Variants in SHANK2 observed in about 807,000 individuals in gnomAD.
SHANK2 encodes SH3 and multiple ankyrin repeat domains 2.
SHANK2 carries 43 observed loss-of-function variants against 133.7 expected under a neutral mutation model. The ratio of observed to expected loss-of-function variants is 0.32; its 90% CI spans 0.25 to 0.41. The LOEUF (loss-of-function observed/expected upper bound fraction) is 0.41, where lower values mean the gene tolerates loss of function less well. SHANK2 is among the 10% of genes least tolerant of loss of function. The pLI is 1.00. For missense variants in SHANK2, 1,994 were observed against 2,235.8 expected (o/e 0.89, Z 2.18); for synonymous variants, 1,017 against 952.8 (o/e 1.07, Z -1.24).
chr11:70,546,079 T>A (rs2059690459), intron 17 of SHANK2, among the ~76,000 whole-genome samples: 2 of 147,240 alleles, frequency 1.4e-5, no homozygotes, highest in Admixed American at 1.4e-4. Context: ...GGTTGTTTTT[T>A]ATAAATTTAT....
chr11:70,899,418 A>G (rs1949992161), intron 10 of SHANK2, among the ~76,000 whole-genome samples: 4 of 152,218 alleles, frequency 2.6e-5, no homozygotes, highest in African/African-American at 9.7e-5. Flanking sequence ...TGTATCGATT[A>G]AACCTCTTTT....
At chr11:70,667,777 C>T (rs1555015134) in intron 15 of SHANK2, 1 of 152,272 alleles carries the variant, frequency 6.6e-6, no homozygotes, top group African/African-American at 2.4e-5. Context: ...CTCTGGGTGG[C>T]TCTGTGTGCC....
Position 71,232,724 on chromosome 11 carries a change from A to G in SHANK2, c.-112-7928T>C, listed in dbSNP as rs183164429. On this transcript the variant is annotated intron_variant, in intron 1 of 25. Transcript: ENST00000601538. ...ATTTAAGATAAGGTTATTTGTTTGT[A>G]TAACATACAAAACATGTGTTAATGG... Among the ~76,000 whole-genome samples, 3 of 152,262 alleles carry G rather than the reference A, an allele frequency of 2.0e-5. No homozygotes were observed. The East Asian group carries it at 5.8e-4, about 29-fold the overall frequency.
chr11:70,691,548 CCT>C (rs1220084676), intron 15 of SHANK2, among the ~76,000 whole-genome samples: 6 of 152,134 alleles, frequency 3.9e-5, no homozygotes, highest in African/African-American at 1.4e-4. Flanking sequence ...CAGAGAAATA[CCT>C]CTCTGTTTCA....
Position 70,698,729 on chromosome 11 carries a change from C to T in SHANK2, c.1812G>A (p.Arg604=), listed in dbSNP as rs550222614. The part of the protein sequence containing the change: ...TRADRSKKLF[R]HYTVGSYDSF... ...TGTCATAGGAGCCCACGGTGTAGTGCCTGAAAAGCTTCTTGCTGCGGTCAG... is the reference window on the plus strand; with the variant it reads ...TGTCATAGGAGCCCACGGTGTAGTGTCTGAAAAGCTTCTTGCTGCGGTCAG... Residue 604 remains arginine (R), a synonymous_variant, in exon 15 of 26, where the codon AGG becomes AGA. Coordinates refer to ENST00000601538, the MANE Select transcript of SHANK2 (RefSeq NM_012309.5). The T allele has an allele frequency of 3.1e-5, 22 of 718,672 alleles. No individual in the cohort carries two copies. The highest frequency in any genetic ancestry group is 4.6e-4 in the Middle Eastern group (2 of 4,370). 44.5% of individuals were successfully genotyped at this position (718,672 alleles called of 1,614,324 possible). A position where few individuals can be genotyped will look rare whatever the true frequency, so the allele number is the denominator to read the frequency against.
intron 8 of SHANK2, among the ~76,000 whole-genome samples, chr11:71,077,004 A>G (rs1951229462): frequency 6.6e-6 from 1 of 152,328 alleles, no homozygotes; most frequent in African/African-American, 2.4e-5. Flanking sequence ...AAGGAAAGGA[A>G]AGAAAGAGAG....
At chr11:71,216,018 G>A (rs532140493) in intron 2 of SHANK2, among the ~76,000 whole-genome samples, 13 of 141,272 alleles carry the variant, frequency 9.2e-5, no homozygotes, top group African/African-American at 3.2e-4. Context: ...CTCATCCGAC[G>A]CTGGAGAGGA....
chr11:70,659,992 T>G lies in SHANK2; in HGVS notation c.1937-40A>C, dbSNP rs546700085. On this transcript the variant is annotated intron_variant, in intron 16 of 25. Transcript: ENST00000601538. ...AGCACCTGGTTACAAGCCTGGGAGATGTCTTCCAAGTTCACATTGCCTGAC... is the reference window on the plus strand; with the variant it reads ...AGCACCTGGTTACAAGCCTGGGAGAGGTCTTCCAAGTTCACATTGCCTGAC... 1.1e-4 allele frequency: 177 copies of G among 1,614,020 alleles called. No homozygotes were observed. In the Middle Eastern group the frequency reaches 3.8e-3, roughly 35 times the overall value.
At chr11:70,652,467 G>A (rs1465281747) in intron 17 of SHANK2, among the ~76,000 whole-genome samples, 2 of 152,014 alleles carry the variant, frequency 1.3e-5, no homozygotes, top group Non-Finnish European at 2.9e-5. Context: ...TTCCTCTTCT[G>A]AGTCAGGCAT....
intron 2 of SHANK2, among the ~76,000 whole-genome samples, chr11:71,223,107 AT>A (rs1441905774): frequency 1.3e-5 from 2 of 152,206 alleles, no homozygotes; most frequent in Admixed American, 1.3e-4. Context: ...GGGCTTGAAC[AT>A]GGGGAGGGAG....
intron 17 of SHANK2, among the ~76,000 whole-genome samples, chr11:70,543,685 C>T (rs181168845): frequency 7.9e-5 from 12 of 152,334 alleles, no homozygotes; most frequent in African/African-American, 2.6e-4. Flanking sequence ...ATTCTGTGAG[C>T]TGCTCTAGCA....
intron 25 of SHANK2, among the ~76,000 whole-genome samples, chr11:70,481,964 ACC>A (rs35524147): frequency 1.3e-5 from 2 of 151,970 alleles, no homozygotes; most frequent in East Asian, 1.9e-4. Context: ...TCCGTCCTGG[ACC>A]CCCCCCCAGT....
chr11:70,886,940 C>T (rs60548486), intron 11 of SHANK2, among the ~76,000 whole-genome samples: 1 of 152,122 alleles, frequency 6.6e-6, no homozygotes, highest in African/African-American at 2.4e-5. Context: ...TCCATAGCTG[C>T]GGAAGGACAA....
chr11:70,939,342 G>A (rs569160000), intron 10 of SHANK2, among the ~76,000 whole-genome samples: 113 of 152,148 alleles, frequency 7.4e-4, no homozygotes, highest in Non-Finnish European at 1.2e-3. Flanking sequence ...GCTGGGTGTG[G>A]TGGTACGTGC....
intron 11 of SHANK2, among the ~76,000 whole-genome samples, chr11:70,852,553 A>T (rs1949102358): frequency 6.6e-6 from 1 of 152,164 alleles, no homozygotes; most frequent in African/African-American, 2.4e-5. Context: ...GTTCCTCAAG[A>T]TCCATGACTG....
chr11:71,225,183 A>G (rs1954619584), intron 1 of SHANK2, among the ~76,000 whole-genome samples: 1 of 152,230 alleles, frequency 6.6e-6, no homozygotes, highest in Non-Finnish European at 1.5e-5. Context: ...AGACTAGGAA[A>G]GCGGCAGCTA....
chr11:71,067,215 G>T (rs992062869), intron 9 of SHANK2, among the ~76,000 whole-genome samples: 1 of 152,148 alleles, frequency 6.6e-6, no homozygotes, highest in Non-Finnish European at 1.5e-5. Context: ...GCTCGGACAG[G>T]TTCCCCGTGG....
At chr11:70,945,251 T>G (rs1220818842) in intron 10 of SHANK2, among the ~76,000 whole-genome samples, 1 of 151,984 alleles carries the variant, frequency 6.6e-6, no homozygotes, top group Non-Finnish European at 1.5e-5. Context: ...CTAGTCAGAG[T>G]CCACAGCAGT....
At chr11:70,893,278 A>G (rs555351412) in intron 11 of SHANK2, among the ~76,000 whole-genome samples, 2 of 152,376 alleles carry the variant, frequency 1.3e-5, no homozygotes, top group South Asian at 4.1e-4. Flanking sequence ...AGCAAGACAC[A>G]TGCAGGCAAA....
Sources: gnomAD v4.1 joint callset for allele counts (sites outside exome capture counted in the v4.1 genomes callset) on GRCh38, gnomAD v4.1.1 for gene constraint, MANE v1.5 for transcripts, NCBI Gene and HGNC (gene_info 2026-07-23, HGNC 2026-07-21) for gene names.